LRP1B: variants seen among roughly 807,000 people sequenced by gnomAD.
LRP1B encodes low-density lipoprotein receptor-related protein 1B.
A neutral mutation model predicts 556.6 loss-of-function variants in LRP1B; 217 were observed. The ratio of observed to expected loss-of-function variants is 0.39; its 90% CI spans 0.35 to 0.44. LRP1B has a LOEUF of 0.44. LRP1B is among the 20% of genes least tolerant of loss of function. LRP1B has a pLI of 1.00. For missense variants in LRP1B, 5,053 were observed against 5,620.8 expected, an observed-to-expected ratio of 0.90 and a Z score of 3.23; for synonymous variants, 2,047 against 1,865.8, an observed-to-expected ratio of 1.10 and a Z score of -2.50.
intron 7 of LRP1B, among the ~76,000 whole-genome samples, chr2:141,143,237 A>T (rs529992238): frequency 7.9e-4 from 120 of 152,114 alleles, no homozygotes; most frequent in East Asian, 5.8e-4. Context: ...AGATCATCTG[A>T]TTCTTTATCT....
intron 15 of LRP1B, among the ~76,000 whole-genome samples, chr2:141,000,352 G>A (rs1470552412): frequency 6.6e-6 from 1 of 152,104 alleles, no homozygotes; most frequent in Non-Finnish European, 1.5e-5. Flanking sequence ...AAGGTACGAT[G>A]TAACTATGAG....
intron 2 of LRP1B, among the ~76,000 whole-genome samples, chr2:141,624,053 GA>G (rs1250538833): frequency 1.5e-4 from 10 of 68,036 alleles, no homozygotes; most frequent in South Asian, 1.3e-3. Flanking sequence ...AAAAAGAAAA[GA>G]AAAAAAACAA....
intron 87 of LRP1B, among the ~76,000 whole-genome samples, chr2:140,242,457 T>C (rs969127118): frequency 6.6e-6 from 1 of 151,174 alleles, no homozygotes; most frequent in Non-Finnish European, 1.5e-5. Context: ...CAATTCTTAT[T>C]TAGCAAATAT....
At chr2:141,693,784 G>T (rs558591739) in intron 2 of LRP1B, among the ~76,000 whole-genome samples, 19 of 152,008 alleles carry the variant, frequency 1.2e-4, no homozygotes, top group Admixed American at 1.1e-3. Flanking sequence ...TCCCCTTGGG[G>T]TTTTAGATTC....
chr2:141,187,135 A>G lies in LRP1B; in HGVS notation c.1013+1286T>C, dbSNP rs142047894. Among the ~76,000 whole-genome samples the G allele has an allele frequency of 9.1e-4, 139 of 152,210 alleles. 1 individual carries two copies. Among genetic ancestry groups the G allele is most frequent in the East Asian group, 2.7e-3 (14 of 5,152 alleles). On this transcript the variant is annotated intron_variant, in intron 7 of 90. Transcript: ENST00000389484. ...TCCAACAACCCAAACAAATCAGTCT[A>G]AATACGACTTCTTTTCCTAATGTCT...
At chr2:140,293,063 A>G (rs1303796866) in intron 84 of LRP1B, among the ~76,000 whole-genome samples, 1 of 152,154 alleles carries the variant, frequency 6.6e-6, no homozygotes, top group Non-Finnish European at 1.5e-5. Context: ...TATACTTCTG[A>G]TAAGTCTAGT....
intron 72 of LRP1B, among the ~76,000 whole-genome samples, chr2:140,363,213 T>C (rs1157755801): frequency 6.6e-6 from 1 of 151,648 alleles, no homozygotes; most frequent in African/African-American, 2.4e-5. Flanking sequence ...TTTGTTGTCC[T>C]AATTAGCACA....
intron 51 of LRP1B, among the ~76,000 whole-genome samples, chr2:140,510,619 T>C (rs770246175): frequency 6.6e-6 from 1 of 152,156 alleles, no homozygotes; most frequent in Non-Finnish European, 1.5e-5. Flanking sequence ...CTAAGCACCC[T>C]CTGAATCCTA....
At chr2:141,823,846 ATTTT>A (rs1215242668) in intron 1 of LRP1B, among the ~76,000 whole-genome samples, 5 of 151,920 alleles carry the variant, frequency 3.3e-5, no homozygotes, top group Non-Finnish European at 7.4e-5. Context: ...TTATTTATTT[ATTTT>A]TTAAGTAGAG....
intron 25 of LRP1B, among the ~76,000 whole-genome samples, chr2:140,875,475 T>C (rs1014155944): frequency 1.3e-5 from 2 of 152,334 alleles, no homozygotes; most frequent in South Asian, 2.1e-4. Flanking sequence ...TTTGGGCTTA[T>C]TGTTTTTAAA....
intron 1 of LRP1B, among the ~76,000 whole-genome samples, chr2:142,008,099 G>A (rs1702852313): frequency 2.0e-5 from 3 of 152,074 alleles, no homozygotes; most frequent in African/African-American, 7.2e-5. Flanking sequence ...AAAGAAGAAG[G>A]ATTCATTCAT....
chr2:141,722,921 T>C (rs1001949649), intron 2 of LRP1B, among the ~76,000 whole-genome samples: 1 of 152,218 alleles, frequency 6.6e-6, no homozygotes, highest in Non-Finnish European at 1.5e-5. Context: ...GTAGCCATGA[T>C]GCAGATTACC....
At chr2:141,509,616 C>T (rs1047990227) in intron 2 of LRP1B, among the ~76,000 whole-genome samples, 11 of 152,100 alleles carry the variant, frequency 7.2e-5, no homozygotes, top group East Asian at 3.9e-4. Flanking sequence ...CTTTGGAAGA[C>T]GTGTTAAAAG....
At chr2:141,991,391 G>A (rs1369835366) in intron 1 of LRP1B, among the ~76,000 whole-genome samples, 1 of 151,810 alleles carries the variant, frequency 6.6e-6, no homozygotes, top group Non-Finnish European at 1.5e-5. Flanking sequence ...ATCAATAATT[G>A]GCAAAAATAT....
chr2:140,854,452 A>T (rs1206845841), intron 27 of LRP1B, among the ~76,000 whole-genome samples: 1 of 152,066 alleles, frequency 6.6e-6, no homozygotes, highest in Non-Finnish European at 1.5e-5. Context: ...TCCACAAAGA[A>T]TTCTTACTTT....
chr2:140,586,961 A>T (rs185880883), intron 43 of LRP1B, among the ~76,000 whole-genome samples: 48 of 152,258 alleles, frequency 3.2e-4, no homozygotes, highest in African/African-American at 1.1e-3. Context: ...AATTTTTTTA[A>T]AAATAAAGGC....
chr2:142,122,670 T>C (rs1344289467), intron 1 of LRP1B, among the ~76,000 whole-genome samples: 1 of 152,010 alleles, frequency 6.6e-6, no homozygotes, highest in Non-Finnish European at 1.5e-5. Context: ...CTCAAAAATA[T>C]GGATGCCCAG....
At chr2:141,047,267 C>T (rs1360605592) in intron 11 of LRP1B, among the ~76,000 whole-genome samples, 2 of 151,944 alleles carry the variant, frequency 1.3e-5, no homozygotes, top group African/African-American at 4.8e-5. Flanking sequence ...ATTAGATACT[C>T]CTTTGGAATT....
chr2:141,295,746 AACACACACACACAC>A (rs376812743), intron 3 of LRP1B, among the ~76,000 whole-genome samples: 70 of 130,602 alleles, frequency 5.4e-4, no homozygotes, highest in African/African-American at 1.8e-3. Flanking sequence ...TGAGGAGAGA[AACACACACACACAC>A]ACACACACAC....
Sources: allele counts gnomAD v4.1 joint callset (sites outside exome capture counted in the v4.1 genomes callset), GRCh38; gene constraint gnomAD v4.1.1; transcripts MANE v1.5; gene names NCBI Gene and HGNC (gene_info 2026-07-23, HGNC 2026-07-21).